The following NBPF11 variants were observed in gnomAD, a reference collection of about 807,000 sequenced individuals.
The protein encoded by NBPF11 is NBPF member 11.
NBPF11 carries 72 observed loss-of-function variants against 93.9 expected under a neutral mutation model. The observed-to-expected ratio is 0.77, with a 90% CI of 0.63 to 0.93. The LOEUF (loss-of-function observed/expected upper bound fraction) is 0.93. Among genes scored for constraint, NBPF11 ranks in the 40% least tolerant of loss-of-function variants. NBPF11 has a pLI of 0.00. For synonymous variants in NBPF11, 224 were observed against 304.9 expected (o/e 0.73, Z 2.76); for missense variants, 705 against 802.2 (o/e 0.88, Z 1.46).
rs1182863563 is a variant in NBPF11, at chr1:148,109,830, A to T, written c.1802-495T>A. Among the ~76,000 whole-genome samples the T allele has an allele frequency of 1.5e-4, 20 of 135,674 alleles. No homozygotes were observed. In the East Asian group the frequency reaches 4.1e-3, roughly 28 times the overall value. The allele number at this position is 135,674 out of a possible 152,430, so 89.0% of individuals were successfully genotyped here. On this transcript the variant is annotated intron_variant, in intron 16 of 23. Coordinates refer to ENST00000682118, the MANE Select transcript of NBPF11 (RefSeq NM_001385469.3). ...TTTGTGGGTGAAAAGTAAGCCATTT[A>T]TCTAGAAAACATACCAGGAACATGA...
At chr1:148,107,295 A>G (rs1663916434) in intron 19 of NBPF11, among the ~76,000 whole-genome samples, 181 bp from the exon 20 acceptor site, 1 of 149,248 alleles carries the variant, frequency 6.7e-6, no homozygotes, top group African/African-American at 2.5e-5. Flanking sequence ...AAAGAATGAA[A>G]GAGAAAGACA....
chr1:148,131,275 A>G (rs1670293083), intron 4 of NBPF11, among the ~76,000 whole-genome samples: 1 of 151,412 alleles, frequency 6.6e-6, no homozygotes, highest in Admixed American at 6.6e-5. Flanking sequence ...GAAATAACGA[A>G]GGCATTCTTA....
intron 13 of NBPF11, among the ~76,000 whole-genome samples, 189 bp downstream of exon 13, chr1:148,116,274 C>T (rs1488014201): frequency 6.6e-6 from 1 of 152,148 alleles, no homozygotes; most frequent in Non-Finnish European, 1.5e-5. Context: ...ACGGTGCAGA[C>T]ATGACACTCG....
At chr1:148,129,132 T>TTATATATACACATGTATATATATTATA (rs1669784610) in intron 4 of NBPF11, among the ~76,000 whole-genome samples, 9 of 144,456 alleles carry the variant, frequency 6.2e-5, no homozygotes, top group African/African-American at 1.6e-4. Flanking sequence ...TATGTATTAT[T>TTATATATACACATGTATATATATTATA]TATATATACA....
intron 18 of NBPF11, 47 bp downstream of exon 18, chr1:148,108,435 A>C (rs61807304): frequency 0.042 from 51,055 of 1,211,068 alleles, 3,317 homozygotes; most frequent in East Asian, 0.19. Context: ...ATGACCCTAA[A>C]CAGAAGACTC....
intron 1 of NBPF11, among the ~76,000 whole-genome samples, chr1:148,147,624 C>A (rs1411445200): frequency 1.3e-5 from 2 of 151,972 alleles, no homozygotes; most frequent in Admixed American, 1.3e-4. Context: ...CTGCCCAGCC[C>A]ACTGGTCTGA....
intron 7 of NBPF11, 86 bp from the exon 8 acceptor site, chr1:148,122,887 T>C (rs1251311180): frequency 1.0e-5 from 16 of 1,604,952 alleles, no homozygotes; most frequent in Non-Finnish European, 1.1e-5. Flanking sequence ...GACATGAATA[T>C]CTATGTATGG....
rs1349564662 is a variant in NBPF11, at chr1:148,151,088, G to A, written c.-549+662C>T. ...ACTCTTGGGTGAAAGGACGCCAAAT[G>A]AGATGATCTAAGAAGCCTCAAAGAA... On this transcript the variant is annotated intron_variant, in intron 1 of 23. Transcript: ENST00000682118. Among the ~76,000 whole-genome samples the A allele has an allele frequency of 5.9e-5, 9 of 152,034 alleles. 1 individual carries two copies. The highest frequency in any genetic ancestry group is 5.8e-4 in the East Asian group (3 of 5,184).
chr1:148,105,945 C>T (rs1490656867), intron 21 of NBPF11, among the ~76,000 whole-genome samples: 18,811 of 141,774 alleles, frequency 0.13, 1,238 homozygotes, highest in East Asian at 0.26. Flanking sequence ...ATGCAGTCAC[C>T]ATGAGAATAC....
At chr1:148,140,740 G>A (rs1290916181) in intron 2 of NBPF11, among the ~76,000 whole-genome samples, 5 of 151,758 alleles carry the variant, frequency 3.3e-5, no homozygotes, top group East Asian at 1.9e-4. Flanking sequence ...AACACAAAAC[G>A]GTGAACACAC....
chr1:148,140,562 GAACTA>G (rs1439011179), intron 2 of NBPF11, among the ~76,000 whole-genome samples: 1 of 144,972 alleles, frequency 6.9e-6, no homozygotes, highest in Admixed American at 7.0e-5. Context: ...AGAATTCTGA[GAACTA>G]AACAACACAA....
chr1:148,139,206 T>G (rs1259778932), intron 2 of NBPF11, among the ~76,000 whole-genome samples: 2 of 151,252 alleles, frequency 1.3e-5, no homozygotes, highest in African/African-American at 4.9e-5. Context: ...CCTTTTCTTG[T>G]GCTCACCAGA....
At chr1:148,122,840 C>T in intron 7 of NBPF11, 39 bp from the exon 8 acceptor site, 1 of 1,609,100 alleles carries the variant, frequency 6.2e-7, no homozygotes, top group Non-Finnish European at 8.5e-7. Flanking sequence ...TTTCCCACTT[C>T]ACATTCTGCA....
chr1:148,149,404 G>A (rs1647673778), intron 1 of NBPF11: 1 of 1,581,236 alleles, frequency 6.3e-7, no homozygotes, highest in Admixed American at 1.7e-5. Context: ...AGGACGAGGT[G>A]ATCGACTTCT....
chr1:148,128,044 C>T (rs1443636131), intron 4 of NBPF11, among the ~76,000 whole-genome samples: 1 of 148,578 alleles, frequency 6.7e-6, no homozygotes, highest in Non-Finnish European at 1.5e-5. Flanking sequence ...CAAGTAATAT[C>T]CTATTGATTG....
chr1:148,125,604 T>C (rs1482165960), intron 5 of NBPF11, among the ~76,000 whole-genome samples: 1 of 152,034 alleles, frequency 6.6e-6, no homozygotes, highest in Non-Finnish European at 1.5e-5. Flanking sequence ...TTTAGATTAG[T>C]TGTGTTAATT....
intron 10 of NBPF11, among the ~76,000 whole-genome samples, chr1:148,119,513 G>A (rs1461845689): frequency 8.6e-5 from 13 of 151,826 alleles, no homozygotes; most frequent in South Asian, 2.1e-4. Context: ...ACAGGCCCAC[G>A]GTCCCTGCTC....
Position 148,103,712 on chromosome 1 carries a change from C to G in NBPF11, c.*184G>C. 6.2e-7 allele frequency: 1 copy of G among 1,611,360 alleles called. No homozygotes were observed. The highest frequency in any genetic ancestry group is 8.5e-7 in the Non-Finnish European group (1 of 1,179,346). On this transcript the variant is annotated 3_prime_UTR_variant, in exon 24 of 24. Coordinates refer to ENST00000682118, the MANE Select transcript of NBPF11 (RefSeq NM_001385469.3). ...TCCCATCTGGAAGACCAGGTGGAGA[C>G]TTCTCACCGTCAAAGTAAAAAACCT...
At chr1:148,130,474 CTTCT>C (rs1204637553) in intron 4 of NBPF11, among the ~76,000 whole-genome samples, 2 of 151,106 alleles carry the variant, frequency 1.3e-5, no homozygotes, top group African/African-American at 2.5e-5. Flanking sequence ...TTTATTTAGC[CTTCT>C]TTAATTTTTC....
Sources: allele counts gnomAD v4.1 joint callset (sites outside exome capture counted in the v4.1 genomes callset), GRCh38; gene constraint gnomAD v4.1.1; transcripts MANE v1.5; gene names NCBI Gene and HGNC (gene_info 2026-07-23, HGNC 2026-07-21).